SCYL3: variants seen among roughly 807,000 people sequenced by gnomAD.
SCYL3 encodes SCY1 like pseudokinase 3.
A neutral mutation model predicts 73.8 loss-of-function variants in SCYL3; 35 were observed. The ratio of observed to expected loss-of-function variants is 0.47; its 90% CI spans 0.36 to 0.63. The LOEUF (loss-of-function observed/expected upper bound fraction) is 0.63. Ranked by LOEUF, SCYL3 falls within the 20% of genes least tolerant of loss-of-function variation. The probability of loss-of-function intolerance (pLI) is 0.00; values close to 1 mark genes in which losing one functional copy is unlikely to be tolerated. For missense variants in SCYL3, 712 were observed against 798.9 expected, an observed-to-expected ratio of 0.89 and a Z score of 1.31; for synonymous variants, 277 against 295.2, an observed-to-expected ratio of 0.94 and a Z score of 0.63.
rs1658122356 is a variant in SCYL3 at position 169,850,987 on chromosome 1, T to G, written c.*2726A>C. 1 of 54,060 alleles carries G rather than the reference T, an allele frequency of 1.8e-5. No individual in the cohort carries two copies. Among genetic ancestry groups the G allele is most frequent in the Non-Finnish European group, 3.8e-5 (1 of 26,198 alleles). 3.3% of individuals were successfully genotyped at this position (54,060 alleles called of 1,614,324 possible). A position where few individuals can be genotyped will look rare whatever the true frequency, so the allele number is the denominator to read the frequency against. Reference sequence around the variant, plus strand: ...GGTATAATTTAGGCATGGCTTTTTTTTTTTTTTTTTTTTTTTTTTATTTGG... The same window carrying G: ...GGTATAATTTAGGCATGGCTTTTTTGTTTTTTTTTTTTTTTTTTTATTTGG... On this transcript the variant is annotated 3_prime_UTR_variant, in exon 13 of 13. Coordinates refer to ENST00000367771, the MANE Select transcript of SCYL3 (RefSeq NM_020423.7).
intron 11 of SCYL3, among the ~76,000 whole-genome samples, chr1:169,857,290 C>T (rs1198616236): frequency 2.0e-5 from 3 of 152,238 alleles, no homozygotes; most frequent in Non-Finnish European, 4.4e-5. Context: ...TTACTTCTAA[C>T]ATTCAGTGTC....
rs577054575 is a variant in SCYL3 at position 169,852,014 on chromosome 1, G to A, written c.*1699C>T. The A allele has an allele frequency of 3.3e-4, 523 of 1,598,258 alleles. 5 individuals carry two copies. In the Admixed American group the frequency reaches 7.8e-3, roughly 24 times the overall value. On this transcript the variant is annotated 3_prime_UTR_variant, in exon 13 of 13. Coordinates refer to ENST00000367771, the MANE Select transcript of SCYL3 (RefSeq NM_020423.7). ...TTTTACTTACTGACGAAACAAACCA[G>A]TGTGGTTTCCAGCCTTATGCTGAAT...
chr1:169,853,669 A>T lies in SCYL3; in HGVS notation c.*44T>A, dbSNP rs767816768. On this transcript the variant is annotated 3_prime_UTR_variant, in exon 13 of 13. Transcript: ENST00000367771. ...GCTTTTGAGGTATTGATTTTTTTTA[A>T]AAAAAGGGAATCCTTTTTCCTAAAG... 6.3e-7 allele frequency: 1 copy of T among 1,598,922 alleles called. No individual in the cohort carries two copies. The highest frequency in any genetic ancestry group is 1.1e-5 in the South Asian group (1 of 89,614).
chr1:169,876,088 G>T lies in SCYL3; in HGVS notation c.355C>A (p.His119Asn). ...AAACAGACATTATTGTGTGTTAGGT[G>T]TCCCTGGAAAAAAAAAAGAACAGAA... ...LALIFLHDRG[H>N]LTHNNVCLSS... is the part of the protein sequence containing the mutation. The change falls in exon 4 of 13, where the codon CAC becomes AAC. Residue 119 changes from histidine to asparagine, a missense_variant. By Grantham distance (68) the His-to-Asn change is moderately conservative. This residue lies in a region of SCYL3 where 342 missense variants were observed against 448.1 expected (regional missense o/e 0.76). Coordinates refer to ENST00000367771, the MANE Select transcript of SCYL3 (RefSeq NM_020423.7). 2 of 1,557,870 alleles carry T rather than the reference G, an allele frequency of 1.3e-6. No homozygotes were observed. Among genetic ancestry groups the T allele is most frequent in the Non-Finnish European group, 1.7e-6 (2 of 1,151,374 alleles).
At chr1:169,881,852 T>A (rs779672338) in intron 2 of SCYL3, among the ~76,000 whole-genome samples, 1 of 152,214 alleles carries the variant, frequency 6.6e-6, no homozygotes, top group African/African-American at 2.4e-5. Context: ...ATTAGTTAGA[T>A]TGCCATAAGT....
At chr1:169,878,338 G>GT (rs1439787930) in intron 3 of SCYL3, among the ~76,000 whole-genome samples, 3 of 152,196 alleles carry the variant, frequency 2.0e-5, no homozygotes, top group African/African-American at 7.2e-5. Context: ...CATGCCAGCT[G>GT]TAGCTATGTT....
At chr1:169,888,526 A>T in intron 2 of SCYL3, 150 bp downstream of exon 2, 1 of 619,744 alleles carries the variant, frequency 1.6e-6, no homozygotes, top group Non-Finnish European at 2.7e-6. Context: ...AGATAGGCCC[A>T]TGAAGTAAGA....
intron 5 of SCYL3, among the ~76,000 whole-genome samples, chr1:169,872,499 C>G (rs781301026): frequency 3.4e-4 from 52 of 152,238 alleles, no homozygotes; most frequent in Non-Finnish European, 6.2e-4. Context: ...TCGGTGCCCC[C>G]ACACAGAGTT....
intron 10 of SCYL3, among the ~76,000 whole-genome samples, chr1:169,860,947 T>C (rs1659594995): frequency 6.6e-6 from 1 of 152,244 alleles, no homozygotes; most frequent in South Asian, 2.1e-4. Context: ...GGAAGCAGTT[T>C]CCTAAGTAAT....
At position 169,853,311 on chromosome 1, in the gene SCYL3, T is replaced by TAA. The variant is rs1658669238; in HGVS notation, c.*400_*401dup. The TAA allele has an allele frequency of 1.8e-5, 6 of 338,794 alleles. No homozygotes were observed. The Admixed American group carries it at 2.6e-4, about 15-fold the overall frequency. The allele number at this position is 338,794 out of a possible 1,614,324, so 21.0% of individuals were successfully genotyped here. ...TATATAATTTATAGCTAAAATTTTTTAAAGTTGTATTTCATAATAGAGCTT... is the reference window on the plus strand; with the variant it reads ...TATATAATTTATAGCTAAAATTTTTTAAAAAGTTGTATTTCATAATAGAGCTT... On this transcript the variant is annotated 3_prime_UTR_variant, in exon 13 of 13. Transcript: ENST00000367771.
chr1:169,853,979 C>T (rs1558111423), intron 12 of SCYL3: 2 of 629,632 alleles, frequency 3.2e-6, no homozygotes. Flanking sequence ...TTTCAAAAAC[C>T]ATAAAATCCA....
chr1:169,877,266 C>T (rs539014002), intron 3 of SCYL3, among the ~76,000 whole-genome samples: 7 of 151,586 alleles, frequency 4.6e-5, no homozygotes, highest in Non-Finnish European at 1.0e-4. Flanking sequence ...AGCAATCCTC[C>T]CACCTCAGTC....
At chr1:169,887,638 G>C (rs1441086097) in intron 2 of SCYL3, among the ~76,000 whole-genome samples, 1 of 152,132 alleles carries the variant, frequency 6.6e-6, no homozygotes, top group African/African-American at 2.4e-5. Context: ...AGTCAAAAAT[G>C]TGGTTCTACC....
At chr1:169,882,958 C>T (rs1454169732) in intron 2 of SCYL3, among the ~76,000 whole-genome samples, 12 of 152,226 alleles carry the variant, frequency 7.9e-5, no homozygotes, top group East Asian at 1.9e-4. Flanking sequence ...CTCTCAGGTC[C>T]GCTTCCACAT....
At chr1:169,862,234 G>A (rs1170346178) in intron 10 of SCYL3, among the ~76,000 whole-genome samples, 2 of 152,216 alleles carry the variant, frequency 1.3e-5, no homozygotes, top group East Asian at 3.8e-4. Flanking sequence ...AGGTTCCCTA[G>A]TGGCTGATAA....
At position 169,881,597 on chromosome 1, in the gene SCYL3, C is replaced by T. The variant is rs182901601; in HGVS notation, c.166-2778G>A. On this transcript the variant is annotated intron_variant, in intron 2 of 12. Coordinates refer to ENST00000367771, the MANE Select transcript of SCYL3 (RefSeq NM_020423.7). The stretch of plus-strand genomic sequence containing the variant: ...CAACCTCTCTTCATCCCCTACAATC[C>T]CCTACCCTTCCTGGCCTCTGGTAAC... 1.6e-3 allele frequency among the ~76,000 whole-genome samples: 249 copies of T among 152,246 alleles called. 2 individuals carry two copies. The highest frequency in any genetic ancestry group is 2.4e-3 in the Non-Finnish European group (165 of 68,022).
Position 169,862,633 on chromosome 1 carries a change from T to C in SCYL3, c.1120A>G (p.Lys374Glu). ...CTGACCTGTGGCAAGATGACTTTCT[T>C]CAGCTGCTCCTGAGTGAAGTGCTCC... ...YVEHFTQEQL[K>E]KVILPQVLLG... is the part of the protein sequence containing the mutation. The change falls in exon 10 of 13, where the codon AAG (lysine) becomes GAG (glutamate). Residue 374 changes from lysine (K) to glutamate (E), a missense_variant. By Grantham distance (56) the Lys-to-Glu change is moderately conservative. Coordinates refer to ENST00000367771, the MANE Select transcript of SCYL3 (RefSeq NM_020423.7). 6.2e-7 allele frequency: 1 copy of C among 1,614,210 alleles called. No individual in the cohort carries two copies. The highest frequency in any genetic ancestry group is 1.7e-5 in the Admixed American group (1 of 60,022).
intron 8 of SCYL3, among the ~76,000 whole-genome samples, chr1:169,865,501 C>T (rs991580293): frequency 2.0e-5 from 3 of 152,182 alleles, no homozygotes; most frequent in Non-Finnish European, 2.9e-5. Context: ...GGACAATGCA[C>T]CAACCATCTC....
At chr1:169,893,207 C>T (rs190533498) in intron 1 of SCYL3, among the ~76,000 whole-genome samples, 45 of 152,350 alleles carry the variant, frequency 3.0e-4, no homozygotes, top group African/African-American at 1.0e-3. Context: ...CCTGAATATG[C>T]TCTTCCGAGA....
Sources: allele counts gnomAD v4.1 joint callset (sites outside exome capture counted in the v4.1 genomes callset), GRCh38; gene constraint gnomAD v4.1.1; regional missense constraint gnomAD v4.1.1; transcripts MANE v1.5; gene names NCBI Gene and HGNC (gene_info 2026-07-23, HGNC 2026-07-21).